The following CNOT3 variants were observed in gnomAD, a reference collection of about 807,000 sequenced individuals.
CNOT3 encodes the protein CCR4-NOT transcription complex subunit 3, also known as CCR4-associated factor 3.
CNOT3 carries 2 observed loss-of-function variants against 89.4 expected under a neutral mutation model. The observed-to-expected ratio is 0.02, with a 90% CI of 0.01 to 0.07. The LOEUF (loss-of-function observed/expected upper bound fraction) is 0.07, where lower values mean the gene tolerates loss of function less well. Among genes scored for constraint, CNOT3 ranks in the 10% least tolerant of loss-of-function variants. The probability of loss-of-function intolerance (pLI) is 1.00; values close to 1 mark genes in which losing one functional copy is unlikely to be tolerated. For synonymous variants in CNOT3, 486 were observed against 402.0 expected, an observed-to-expected ratio of 1.21 and a Z score of -2.50; for missense variants, 664 against 1,010.2, an observed-to-expected ratio of 0.66 and a Z score of 4.65.
chr19:54,143,417 C>G (rs751254451), intron 3 of CNOT3, 25 bp from the exon 4 acceptor site: 1 of 1,612,182 alleles, frequency 6.2e-7, no homozygotes, highest in South Asian at 1.1e-5. Flanking sequence ...CCCACACTGA[C>G]TTCTCAATTC....
chr19:54,148,606 C>T lies in CNOT3; in HGVS notation c.1283-14C>T. 6 of 1,607,692 alleles carry T rather than the reference C, an allele frequency of 3.7e-6. No individual in the cohort carries two copies. Among genetic ancestry groups the T allele is most frequent in the Non-Finnish European group, 5.1e-6 (6 of 1,177,110 alleles). The stretch of plus-strand genomic sequence containing the variant: ...AGCAGGCAGCAGCCCTTTCCATTTA[C>T]TCTTTGTTCCCAGGTTACAGCTCAG... On this transcript the variant is annotated splice_polypyrimidine_tract_variant and intron_variant, in intron 11 of 17. Coordinates refer to ENST00000221232, the MANE Select transcript of CNOT3 (RefSeq NM_014516.4). The surrounding 1 kb of genome is among the most constrained non-coding windows in gnomAD (Gnocchi z 6.3).
In CNOT3 at chr19:54,145,530, C is replaced by A. The variant is rs1224037446; in HGVS notation, c.484-68C>A. 1 of 1,090,688 alleles carries A rather than the reference C, an allele frequency of 9.2e-7. No individual in the cohort carries two copies. The highest frequency in any genetic ancestry group is 1.4e-6 in the Non-Finnish European group (1 of 716,760). 67.6% of individuals were successfully genotyped at this position (1,090,688 alleles called of 1,614,324 possible). A position where few individuals can be genotyped will look rare whatever the true frequency, so the allele number is the denominator to read the frequency against. On this transcript the variant is annotated intron_variant, in intron 7 of 17. Coordinates refer to ENST00000221232, the MANE Select transcript of CNOT3 (RefSeq NM_014516.4). The surrounding 1 kb of genome is among the most constrained non-coding windows in gnomAD (Gnocchi z 5.9). ...AGGGGTCAGGGACTGAGGACAGGTT[C>A]TGTGGGGGCAGGAGGGGCCAAGCAG...
In CNOT3 at chr19:54,152,897, G is replaced by A. The variant is rs202216847; in HGVS notation, c.1935G>A (p.Thr645=). The part of the protein sequence containing the change: ...RQYLPRNPCP[T]PPYHHQMPPP... Reference sequence around the variant, plus strand: ...ACCTCCCCCGGAACCCCTGTCCGACGCCCCCCTACCACCACCAGATGCCAC... The same window carrying A: ...ACCTCCCCCGGAACCCCTGTCCGACACCCCCCTACCACCACCAGATGCCAC... The change falls in exon 16 of 18, where the codon ACG becomes ACA. Residue 645 remains threonine, a synonymous_variant. Coordinates refer to ENST00000221232, the MANE Select transcript of CNOT3 (RefSeq NM_014516.4). 2.7e-5 allele frequency: 41 copies of A among 1,515,926 alleles called. No homozygotes were observed. In the Middle Eastern group the frequency reaches 5.3e-4, roughly 20 times the overall value. The allele number at this position is 1,515,926 out of a possible 1,614,324, so 93.9% of individuals were successfully genotyped here.
chr19:54,149,473 G>A (rs1193286288), intron 12 of CNOT3, 87 bp from the exon 13 acceptor site: 4 of 779,350 alleles, frequency 5.1e-6, no homozygotes, highest in Non-Finnish European at 2.0e-6. Flanking sequence ...GATCTGTGCA[G>A]TCTCCCCTCT....
intron 1 of CNOT3, among the ~76,000 whole-genome samples, chr19:54,140,832 CTG>C (rs1289688283): frequency 2.6e-5 from 4 of 152,158 alleles, no homozygotes; most frequent in Admixed American, 6.5e-5. Flanking sequence ...GTGTGGTCTC[CTG>C]TCTGTGGGTA....
In CNOT3 at chr19:54,145,711, C is replaced by T; in HGVS notation, c.597C>T (p.Ala199=). The change falls in exon 8 of 18, where the codon GCC becomes GCT. Residue 199 remains alanine, a synonymous_variant. Transcript: ENST00000221232. This position sits in a 1 kb window ranked among gnomAD's most constrained non-coding sequence, Gnocchi z 5.9. ...ACAATGACTCCATCCTCGTTGACGC[C>T]ATCCGCAAGATCAAGGACGACGTTG... is the stretch of plus-strand genomic sequence containing the variant. The part of the protein sequence containing the change: ...MLDNDSILVD[A]IRKIKDDVEY... 3 of 1,613,120 alleles carry T rather than the reference C, an allele frequency of 1.9e-6. No homozygotes were observed. Among genetic ancestry groups the T allele is most frequent in the Non-Finnish European group, 2.5e-6 (3 of 1,179,050 alleles).
chr19:54,144,186 G>A lies in CNOT3; in HGVS notation c.388-51G>A, dbSNP rs376209218. On this transcript the variant is annotated intron_variant, in intron 6 of 17. Coordinates refer to ENST00000221232, the MANE Select transcript of CNOT3 (RefSeq NM_014516.4). The surrounding 1 kb of genome is among the most constrained non-coding windows in gnomAD (Gnocchi z 4.8). ...GAACTCTGAGGATCCTGAGCCCTGG[G>A]TGTAGGCGGAACCCTAGCTGATGGG... 6.2e-6 allele frequency: 10 copies of A among 1,612,808 alleles called. No homozygotes were observed. The highest frequency in any genetic ancestry group is 1.6e-4 in the Middle Eastern group (1 of 6,078).
chr19:54,155,508 G>T lies in CNOT3; in HGVS notation c.*101G>T. The T allele has an allele frequency of 1.1e-6, 1 of 944,332 alleles. No homozygotes were observed. Among genetic ancestry groups the T allele is most frequent in the Non-Finnish European group, 1.6e-6 (1 of 635,722 alleles). 58.5% of individuals were successfully genotyped at this position (944,332 alleles called of 1,614,324 possible). A position where few individuals can be genotyped will look rare whatever the true frequency, so the allele number is the denominator to read the frequency against. On this transcript the variant is annotated 3_prime_UTR_variant, in exon 18 of 18. Coordinates refer to ENST00000221232, the MANE Select transcript of CNOT3 (RefSeq NM_014516.4). ...AGACTGGAGGGAGGCCCCAAGCCAC[G>T]GGGCATCCCCCTCTCCCAGGAAGCA...
Position 54,153,171 on chromosome 19 carries a change from C to T in CNOT3, c.2037+172C>T, listed in dbSNP as rs77967090. 7.3e-4 allele frequency: 561 copies of T among 766,958 alleles called. 1 individual carries two copies. The highest frequency in any genetic ancestry group is 6.7e-3 in the African/African-American group (394 of 59,212). 47.5% of individuals were successfully genotyped at this position (766,958 alleles called of 1,614,324 possible). ...CCCCAAATCCACCTGTCCCCGTCCC[C>T]GCCTTCCAGCCCAGAGATGTTAGAA... On this transcript the variant is annotated intron_variant, in intron 16 of 17. Coordinates refer to ENST00000221232, the MANE Select transcript of CNOT3 (RefSeq NM_014516.4).
intron 13 of CNOT3, 102 bp downstream of exon 13, chr19:54,149,860 C>CTA: frequency 8.7e-7 from 1 of 1,143,234 alleles, no homozygotes; most frequent in Non-Finnish European, 1.1e-6. Flanking sequence ...CTTTCTGGAT[C>CTA]TCTCTCTGGC....
At chr19:54,152,819 G>A (rs748115859) in intron 15 of CNOT3, 48 bp from the exon 16 acceptor site, 36 of 942,830 alleles carry the variant, frequency 3.8e-5, no homozygotes, top group Non-Finnish European at 5.4e-5. Flanking sequence ...TTTTGATCAC[G>A]ACAGGACTAG....
chr19:54,146,704 TG>T (rs772018529), intron 10 of CNOT3, 47 bp downstream of exon 10: 7 of 1,061,656 alleles, frequency 6.6e-6, no homozygotes, highest in Non-Finnish European at 1.0e-5. Context: ...ACTCCTCTGT[TG>T]CTTCCCAAAG....
rs778325574 is a variant in CNOT3 at position 54,149,728 on chromosome 19, T to C, written c.1575T>C (p.Pro525=). 2 of 1,613,328 alleles carry C rather than the reference T, an allele frequency of 1.2e-6. No homozygotes were observed. Among genetic ancestry groups the C allele is most frequent in the African/African-American group, 2.7e-5 (2 of 74,896 alleles). The part of the protein sequence containing the change: ...AKAAGALLNG[P]PQFSTAPEIK... ...CAGCCGGTGCCCTGCTCAATGGGCC[T>C]CCACAGTTCAGCACCGCCCCAGAAA... is the stretch of plus-strand genomic sequence containing the variant. Residue 525 remains proline (P), a synonymous_variant, in exon 13 of 18, where the codon CCT becomes CCC. Coordinates refer to ENST00000221232, the MANE Select transcript of CNOT3 (RefSeq NM_014516.4).
At chr19:54,151,686 TGGCTGCGG>T (rs1318055805) in intron 13 of CNOT3, among the ~76,000 whole-genome samples, 2 of 152,160 alleles carry the variant, frequency 1.3e-5, no homozygotes, top group Non-Finnish European at 2.9e-5. Context: ...AACGAGGCTG[TGGCTGCGG>T]GGCTGGAGAC....
chr19:54,147,891 G>A (rs1357697439), intron 10 of CNOT3, among the ~76,000 whole-genome samples: 1 of 152,214 alleles, frequency 6.6e-6, no homozygotes, highest in African/African-American at 2.4e-5. Flanking sequence ...TCCCTGTGGG[G>A]GTGTCCATGG....
Position 54,155,468 on chromosome 19 carries a change from G to A in CNOT3, c.*61G>A, listed in dbSNP as rs1281589228. The A allele has an allele frequency of 1.7e-6, 2 of 1,180,832 alleles. No homozygotes were observed. Among genetic ancestry groups the A allele is most frequent in the Non-Finnish European group, 2.4e-6 (2 of 824,796 alleles). 73.1% of individuals were successfully genotyped at this position (1,180,832 alleles called of 1,614,324 possible). A position where few individuals can be genotyped will look rare whatever the true frequency, so the allele number is the denominator to read the frequency against. ...CATGCTGATCCCCCTGCCCAGGTGA[G>A]GGCCCTGCCCTGGAAGACTGGAGGG... On this transcript the variant is annotated 3_prime_UTR_variant, in exon 18 of 18. Coordinates refer to ENST00000221232, the MANE Select transcript of CNOT3 (RefSeq NM_014516.4).
chr19:54,149,995 T>A (rs2074977922), intron 13 of CNOT3, among the ~76,000 whole-genome samples: 1 of 152,032 alleles, frequency 6.6e-6, no homozygotes, highest in Admixed American at 6.5e-5. Context: ...TTTCTCTGGG[T>A]CTCTTTTCCT....
chr19:54,143,630 G>T (rs1407339672), intron 4 of CNOT3, 30 bp from the exon 5 acceptor site: 1 of 1,612,372 alleles, frequency 6.2e-7, no homozygotes, highest in Admixed American at 1.7e-5. Context: ...GGGTCCTGAG[G>T]TCTGACTTTC....
In CNOT3 at chr19:54,152,309, G is replaced by A. The variant is rs746513299; in HGVS notation, c.1689G>A (p.Leu563=). Residue 563 remains leucine, a synonymous_variant, in exon 14 of 18, where the codon CTG becomes CTA. Transcript: ENST00000221232. ...GCATTGAGGACCCTGTGCCAACGCT[G>A]CACCTGACCGAGCGAGGTGAGGGAC... ...SSGIEDPVPT[L]HLTERDIILS... 2 of 1,614,180 alleles carry A rather than the reference G, an allele frequency of 1.2e-6. No individual in the cohort carries two copies. The highest frequency in any genetic ancestry group is 1.1e-5 in the South Asian group (1 of 91,088).
Sources: gnomAD v4.1 joint callset for allele counts (sites outside exome capture counted in the v4.1 genomes callset) on GRCh38, gnomAD v4.1.1 for gene constraint, Gnocchi (gnomAD v3.1) non-coding constraint, MANE v1.5 for transcripts, NCBI Gene and HGNC (gene_info 2026-07-23, HGNC 2026-07-21) for gene names.